ADAM28: variants seen among roughly 807,000 people sequenced by gnomAD.
ADAM28 encodes ADAM metallopeptidase domain 28.
A neutral mutation model predicts 101.2 loss-of-function variants in ADAM28; 105 were observed. The ratio of observed to expected loss-of-function variants is 1.04; its 90% confidence interval spans 0.89 to 1.22. ADAM28 has a LOEUF of 1.22. Among genes scored for constraint, ADAM28 ranks in the 50% most tolerant of loss-of-function variants. ADAM28 has a pLI of 0.00. For missense variants in ADAM28, 1,028 were observed against 945.4 expected (o/e 1.09, Z -1.15); for synonymous variants, 322 against 310.6 (o/e 1.04, Z -0.39).
chr8:24,308,531 T>A (rs1290565111), intron 2 of ADAM28: 1 of 431,102 alleles, frequency 2.3e-6, no homozygotes, highest in Non-Finnish European at 4.7e-6. Context: ...AAGACCATAT[T>A]TGGTATCATT....
At chr8:24,349,998 A>G in intron 19 of ADAM28, 26 bp downstream of exon 19, 1 of 1,603,998 alleles carries the variant, frequency 6.2e-7, no homozygotes, top group Non-Finnish European at 8.5e-7. Flanking sequence ...ATCTTGCTGT[A>G]GGGACTCTTT....
intron 1 of ADAM28, among the ~76,000 whole-genome samples, chr8:24,295,113 T>G (rs1193554798): frequency 6.6e-6 from 1 of 152,226 alleles, no homozygotes; most frequent in Non-Finnish European, 1.5e-5. Flanking sequence ...CTTAGTACTT[T>G]GTTGCTAAAA....
At chr8:24,333,386 T>C (rs968319509) in intron 13 of ADAM28, among the ~76,000 whole-genome samples, 11 of 152,230 alleles carry the variant, frequency 7.2e-5, no homozygotes, top group Non-Finnish European at 1.6e-4. Flanking sequence ...TTTGTTTGAC[T>C]GTAGTAATCA....
intron 19 of ADAM28, among the ~76,000 whole-genome samples, chr8:24,350,522 C>T (rs1446494187): frequency 6.6e-6 from 1 of 152,024 alleles, no homozygotes; most frequent in East Asian, 1.9e-4. Flanking sequence ...TGTTGGCCAA[C>T]CTGGTCTCAA....
At chr8:24,302,973 T>G (rs74789843) in intron 2 of ADAM28, among the ~76,000 whole-genome samples, 2 of 139,468 alleles carry the variant, frequency 1.4e-5, no homozygotes, top group African/African-American at 5.3e-5. Context: ...CCTGTGTCCA[T>G]GTGTTCTCAT....
intron 13 of ADAM28, among the ~76,000 whole-genome samples, chr8:24,333,768 G>T (rs1230241155): frequency 6.6e-6 from 1 of 152,062 alleles, no homozygotes; most frequent in Admixed American, 6.6e-5. Context: ...TTCTAAATAT[G>T]CCATTTCATG....
chr8:24,339,888 G>T (rs1814556475), intron 15 of ADAM28, among the ~76,000 whole-genome samples: 1 of 152,034 alleles, frequency 6.6e-6, no homozygotes, highest in Non-Finnish European at 1.5e-5. Context: ...ATTTGTCCAG[G>T]GATTTCCCAG....
chr8:24,307,727 G>T (rs1809886949), intron 2 of ADAM28, among the ~76,000 whole-genome samples: 1 of 152,180 alleles, frequency 6.6e-6, no homozygotes, highest in African/African-American at 2.4e-5. Context: ...TCTAAAGACA[G>T]TAACTATTCT....
At chr8:24,319,376 T>C (rs1262153862) in intron 6 of ADAM28, among the ~76,000 whole-genome samples, 1 of 152,010 alleles carries the variant, frequency 6.6e-6, no homozygotes, top group East Asian at 1.9e-4. Flanking sequence ...TCTCTTGGTC[T>C]CTCTGCTGAT....
At chr8:24,342,059 G>A (rs985915798) in intron 16 of ADAM28, among the ~76,000 whole-genome samples, 4 of 152,302 alleles carry the variant, frequency 2.6e-5, no homozygotes, top group Admixed American at 6.5e-5. Context: ...ATAACACACA[G>A]TAGCATCCGT....
chr8:24,316,016 T>G (rs1014347118), intron 6 of ADAM28, among the ~76,000 whole-genome samples: 3 of 151,870 alleles, frequency 2.0e-5, no homozygotes, highest in Admixed American at 2.0e-4. Flanking sequence ...GTTCTTGATT[T>G]GAGAGTTTAG....
intron 4 of ADAM28, 139 bp downstream of exon 4, chr8:24,310,380 T>C (rs1455983239): frequency 1.1e-5 from 8 of 729,762 alleles, no homozygotes; most frequent in East Asian, 5.9e-5. Context: ...TTACTTAAAA[T>C]ATAAAAAAAA....
At chr8:24,351,075 C>G (rs562607774) in intron 19 of ADAM28, among the ~76,000 whole-genome samples, 157 bp from the exon 20 acceptor site, 1 of 151,858 alleles carries the variant, frequency 6.6e-6, no homozygotes, top group Non-Finnish European at 1.5e-5. Context: ...AAGAGGCTGA[C>G]GGGGAAGTAA....
chr8:24,304,043 ACACATG>A (rs987035554), intron 2 of ADAM28, among the ~76,000 whole-genome samples: 3 of 151,926 alleles, frequency 2.0e-5, no homozygotes, highest in African/African-American at 7.3e-5. Context: ...ACACACACAC[ACACATG>A]CACGTGCACA....
At position 24,339,542 on chromosome 8, in the gene ADAM28, T is replaced by G; in HGVS notation, c.1644T>G (p.Asp548Glu). ...AGTACGGGTACTGTCGCAGAGTGGA[T>G]GACACACTCATTCCCTGCAAAGCAA... is the stretch of plus-strand genomic sequence containing the variant. ...GSKYGYCRRV[D>E]DTLIPCKAND... is the part of the protein sequence containing the mutation. Residue 548 changes from aspartate to glutamate, a missense_variant, in exon 15 of 23, where the codon GAT (aspartate) becomes GAG (glutamate). Physicochemically the swap from Asp to Glu is conservative, Grantham distance 45. Transcript: ENST00000265769. The G allele has an allele frequency of 6.2e-7, 1 of 1,612,660 alleles. No homozygotes were observed. The highest frequency in any genetic ancestry group is 8.5e-7 in the Non-Finnish European group (1 of 1,179,310).
intron 7 of ADAM28, 123 bp downstream of exon 7, chr8:24,320,430 T>C (rs1436182582): frequency 1.2e-5 from 8 of 691,646 alleles, no homozygotes; most frequent in Middle Eastern, 3.3e-4. Context: ...TATGGTTACA[T>C]GTTCTTCTAA....
intron 7 of ADAM28, 124 bp downstream of exon 7, chr8:24,320,431 G>C: frequency 2.9e-6 from 2 of 684,734 alleles, no homozygotes; most frequent in South Asian, 4.4e-5. Flanking sequence ...ATGGTTACAT[G>C]TTCTTCTAAA....
Position 24,354,439 on chromosome 8 carries a change from T to C in ADAM28, c.*35T>C. ...TAAGCAAGAACTAATGGCTAAATTA[T>C]CAACTTGGAAAACTGGAAAATCTGG... On this transcript the variant is annotated 3_prime_UTR_variant, in exon 23 of 23. Coordinates refer to ENST00000265769, the MANE Select transcript of ADAM28 (RefSeq NM_014265.6). The C allele has an allele frequency of 1.9e-6, 3 of 1,597,226 alleles. No homozygotes were observed. The highest frequency in any genetic ancestry group is 2.6e-6 in the Non-Finnish European group (3 of 1,171,612).
chr8:24,331,155 A>G lies in ADAM28; in HGVS notation c.1109A>G (p.Tyr370Cys), dbSNP rs568315585. ...TTCTTTCCTTATCTTCACAGCTTCT[A>G]TATACCCACAGACTTCAGTTCCTGC... ...ICVMDKALSF[Y>C]IPTDFSSCSR... Residue 370 changes from tyrosine to cysteine, a missense_variant, in exon 12 of 23, where the codon TAT (tyrosine) becomes TGT (cysteine). By Grantham distance (194) the Tyr-to-Cys change is radical. Transcript: ENST00000265769. 7 of 1,609,922 alleles carry G rather than the reference A, an allele frequency of 4.3e-6. No individual in the cohort carries two copies. The highest frequency in any genetic ancestry group is 3.4e-5 in the Admixed American group (2 of 59,494).
Sources: allele counts gnomAD v4.1 joint callset (sites outside exome capture counted in the v4.1 genomes callset), GRCh38; gene constraint gnomAD v4.1.1; transcripts MANE v1.5; gene names NCBI Gene and HGNC (gene_info 2026-07-23, HGNC 2026-07-21).